The following ANKRD7 variants were observed in gnomAD, a reference collection of about 807,000 sequenced individuals.
ANKRD7 encodes ankyrin repeat domain-containing protein 7.
ANKRD7 carries 30 observed loss-of-function variants against 30.8 expected under a neutral mutation model. The observed-to-expected ratio is 0.97, with a 90% CI of 0.73 to 1.32. ANKRD7 has a LOEUF of 1.32. Among genes scored for constraint, ANKRD7 ranks in the 40% most tolerant of loss-of-function variants. ANKRD7 has a pLI of 0.00. For synonymous variants in ANKRD7, 97 were observed against 106.6 expected, an observed-to-expected ratio of 0.91 and a Z score of 0.55; for missense variants, 264 against 295.7, an observed-to-expected ratio of 0.89 and a Z score of 0.79.
chr7:118,230,580 C>T lies in ANKRD7; in HGVS notation c.180-3851C>T, dbSNP rs192685894. 1.5e-3 allele frequency among the ~76,000 whole-genome samples: 223 copies of T among 151,724 alleles called. 1 individual carries two copies. Among genetic ancestry groups the T allele is most frequent in the Admixed American group, 5.5e-3 (84 of 15,222 alleles). Reference sequence around the variant, plus strand: ...TACACTTTAATTTTATTATAAATTACAACTTGATAAAGCTGAATGAAAAAA... The same window carrying T: ...TACACTTTAATTTTATTATAAATTATAACTTGATAAAGCTGAATGAAAAAA... On this transcript the variant is annotated intron_variant, in intron 1 of 6. Transcript: ENST00000265224.
At chr7:118,236,010 TA>T in intron 3 of ANKRD7, 30 bp from the exon 4 acceptor site, 1 of 1,238,176 alleles carries the variant, frequency 8.1e-7, no homozygotes, top group Non-Finnish European at 1.2e-6. Context: ...TTTGCTACAA[TA>T]TTTTAATCAT....
At position 118,236,915 on chromosome 7, in the gene ANKRD7, T is replaced by C. The variant is rs781249866; in HGVS notation, c.701T>C (p.Met234Thr). The change falls in exon 5 of 7, where the codon ATG becomes ACG. Residue 234 changes from methionine to threonine, a missense_variant. Met to Thr is a moderately conservative substitution (Grantham distance 81). Coordinates refer to ENST00000265224, the MANE Select transcript of ANKRD7 (RefSeq NM_019644.4). ...DSQLRNMFIS[M>T]VLLHRYPQFT... is the part of the protein sequence containing the mutation. ...CAGCTGAGGAATATGTTTATTTCCA[T>C]GGTTTTACTGCGTAAGTGATACTGC... 14 of 1,613,780 alleles carry C rather than the reference T, an allele frequency of 8.7e-6. No homozygotes were observed. In the African/African-American group the frequency reaches 1.9e-4, roughly 22 times the overall value.
chr7:118,228,003 CT>C (rs1200953671), intron 1 of ANKRD7: 1 of 1,310,496 alleles, frequency 7.6e-7, no homozygotes, highest in Non-Finnish European at 1.0e-6. Flanking sequence ...TAATCGATAA[CT>C]TCAATGTGAC....
chr7:118,231,004 A>G (rs1192013347), intron 1 of ANKRD7, among the ~76,000 whole-genome samples: 1 of 152,076 alleles, frequency 6.6e-6, no homozygotes, highest in East Asian at 1.9e-4. Context: ...AAAGGGACAG[A>G]GGAAATAGCA....
At chr7:118,230,497 G>A (rs1452802013) in intron 1 of ANKRD7, among the ~76,000 whole-genome samples, 1 of 142,286 alleles carries the variant, frequency 7.0e-6, no homozygotes, top group Non-Finnish European at 1.6e-5. Context: ...GGGGGGAGGG[G>A]AAAGAATTGA....
chr7:118,225,840 C>T (rs1809531174), intron 1 of ANKRD7, among the ~76,000 whole-genome samples: 1 of 152,184 alleles, frequency 6.6e-6, no homozygotes, highest in Non-Finnish European at 1.5e-5. Flanking sequence ...CTACCCATTA[C>T]TTATCACCAA....
chr7:118,228,051 G>T, intron 1 of ANKRD7: 1 of 1,290,778 alleles, frequency 7.7e-7, no homozygotes, highest in Non-Finnish European at 1.0e-6. Context: ...TACCTTGCTG[G>T]CCTGTCAGCA....
intron 1 of ANKRD7, among the ~76,000 whole-genome samples, chr7:118,231,647 CT>C (rs1302559214): frequency 1.3e-5 from 2 of 152,116 alleles, no homozygotes; most frequent in Admixed American, 6.5e-5. Flanking sequence ...GCAGATAACA[CT>C]TTTCACTTCA....
intron 5 of ANKRD7, among the ~76,000 whole-genome samples, chr7:118,238,630 A>T (rs1426930373): frequency 6.6e-6 from 1 of 152,228 alleles, no homozygotes; most frequent in Non-Finnish European, 1.5e-5. Flanking sequence ...AGTTTTAAAA[A>T]ATTAGTGAAA....
rs749832679 is a variant in ANKRD7, at chr7:118,236,042, A to T, written c.470A>T (p.Asp157Val). Residue 157 changes from aspartate to valine, a missense_variant and splice_region_variant, in exon 4 of 7, where the codon GAT becomes GTT. Coordinates refer to ENST00000265224, the MANE Select transcript of ANKRD7 (RefSeq NM_019644.4). ...ATCATTTTTAAATATTTTTTTCAGG[A>T]TGGGTATACTCCACTATTAGTTGCC... ...YEADLEAKNK[D>V]GYTPLLVAVI... is the part of the protein sequence containing the mutation. The T allele has an allele frequency of 1.3e-6, 2 of 1,498,784 alleles. No individual in the cohort carries two copies. The highest frequency in any genetic ancestry group is 9.1e-7 in the Non-Finnish European group (1 of 1,097,058). The allele number at this position is 1,498,784 out of a possible 1,614,324, so 92.8% of individuals were successfully genotyped here. A position where few individuals can be genotyped will look rare whatever the true frequency, so the allele number is the denominator to read the frequency against.
chr7:118,241,434 A>G (rs1446276058), intron 6 of ANKRD7, among the ~76,000 whole-genome samples: 4 of 149,130 alleles, frequency 2.7e-5, no homozygotes, highest in African/African-American at 9.8e-5. Context: ...CCCCATCCCC[A>G]CAAATCTATA....
At chr7:118,229,434 A>T (rs910908840) in intron 1 of ANKRD7, among the ~76,000 whole-genome samples, 10 of 152,074 alleles carry the variant, frequency 6.6e-5, no homozygotes, top group Non-Finnish European at 1.3e-4. Flanking sequence ...AGGTATTCAC[A>T]TATGTTTTGT....
At chr7:118,239,868 T>C (rs1809795111) in intron 5 of ANKRD7, 41 bp from the exon 6 acceptor site, 1 of 1,372,698 alleles carries the variant, frequency 7.3e-7, no homozygotes, top group Non-Finnish European at 1.0e-6. Flanking sequence ...AGGAATTAAA[T>C]TTCTATGCAT....
intron 1 of ANKRD7, among the ~76,000 whole-genome samples, chr7:118,229,913 G>A (rs765428213): frequency 6.6e-6 from 1 of 152,028 alleles, no homozygotes; most frequent in Non-Finnish European, 1.5e-5. Context: ...CACATAAACA[G>A]AATTAAAAGC....
intron 1 of ANKRD7, among the ~76,000 whole-genome samples, chr7:118,225,417 G>C (rs1809524533): frequency 6.6e-6 from 1 of 151,982 alleles, no homozygotes. Context: ...GAACCCGGAA[G>C]GCGGAGGTTG....
chr7:118,236,972 A>G (rs774729731), intron 5 of ANKRD7, 46 bp downstream of exon 5: 4 of 1,596,006 alleles, frequency 2.5e-6, no homozygotes, highest in African/African-American at 2.7e-5. Context: ...GGGTTTGATT[A>G]TAAGGATCAA....
chr7:118,234,913 AAGC>A (rs1309444516), intron 3 of ANKRD7, 39 bp downstream of exon 3: 1 of 1,493,896 alleles, frequency 6.7e-7, no homozygotes, highest in African/African-American at 1.4e-5. Flanking sequence ...GTATTTTAGA[AAGC>A]AACTGAAGAG....
Position 118,239,970 on chromosome 7 carries a change from T to C in ANKRD7, c.*9T>C. On this transcript the variant is annotated 3_prime_UTR_variant, in exon 6 of 7. Transcript: ENST00000265224. The stretch of plus-strand genomic sequence containing the variant: ...AGAAACATGCTAAATAGACACCTTA[T>C]TCTTGGCACTACATGTGACTAAAGG... The C allele has an allele frequency of 6.3e-7, 1 of 1,584,370 alleles. No individual in the cohort carries two copies. The highest frequency in any genetic ancestry group is 8.6e-7 in the Non-Finnish European group (1 of 1,161,762).
intron 5 of ANKRD7, among the ~76,000 whole-genome samples, chr7:118,238,483 A>T (rs1183756526): frequency 6.6e-6 from 1 of 152,100 alleles, no homozygotes; most frequent in Non-Finnish European, 1.5e-5. Flanking sequence ...AGCTTTCTGT[A>T]ATTGTGACTT....
Sources: allele counts gnomAD v4.1 joint callset (sites outside exome capture counted in the v4.1 genomes callset), GRCh38; gene constraint gnomAD v4.1.1; transcripts MANE v1.5; gene names NCBI Gene and HGNC (gene_info 2026-07-23, HGNC 2026-07-21).